Variants in TLL2 observed in about 807,000 individuals in gnomAD.
TLL2 encodes tolloid-like protein 2.
In TLL2, 106 loss-of-function variants were observed where a neutral mutation model predicts 123.0. The ratio of observed to expected loss-of-function variants is 0.86; its 90% CI spans 0.74 to 1.01. The LOEUF (loss-of-function observed/expected upper bound fraction) is 1.01. TLL2 is among the 50% of genes least tolerant of loss of function. The pLI is 0.00. For missense variants in TLL2, 1,332 were observed against 1,336.7 expected (o/e 1.00, Z 0.06); for synonymous variants, 494 against 516.8 (o/e 0.96, Z 0.60).
chr10:96,374,961 C>CGG (rs558884195), intron 18 of TLL2, among the ~76,000 whole-genome samples: 5 of 64,238 alleles, frequency 7.8e-5, no homozygotes, highest in South Asian at 5.3e-4. Flanking sequence ...ACATTAGTTG[C>CGG]GGGGGGGGGG....
At chr10:96,451,464 G>C (rs1846958163) in intron 2 of TLL2, among the ~76,000 whole-genome samples, 1 of 152,146 alleles carries the variant, frequency 6.6e-6, no homozygotes, top group African/African-American at 2.4e-5. Flanking sequence ...TTGTGCCATA[G>C]ATTAATATTG....
intron 19 of TLL2, among the ~76,000 whole-genome samples, chr10:96,372,458 G>A (rs990642090): frequency 2.0e-5 from 3 of 152,144 alleles, no homozygotes; most frequent in African/African-American, 7.2e-5. Context: ...TGCTTCTGTG[G>A]GCACTAGTCC....
chr10:96,406,443 C>A (rs897214988), intron 9 of TLL2, among the ~76,000 whole-genome samples: 5 of 152,104 alleles, frequency 3.3e-5, no homozygotes, highest in Admixed American at 3.3e-4. Flanking sequence ...TGACTCTATT[C>A]GTTTTCCAAC....
At chr10:96,459,264 A>C (rs1452859637) in intron 2 of TLL2, among the ~76,000 whole-genome samples, 1 of 152,196 alleles carries the variant, frequency 6.6e-6, no homozygotes, top group Non-Finnish European at 1.5e-5. Flanking sequence ...AGAATAAATG[A>C]GTGAAACTCT....
intron 3 of TLL2, among the ~76,000 whole-genome samples, chr10:96,445,184 A>C (rs2134086831): frequency 6.6e-6 from 1 of 152,232 alleles, no homozygotes; most frequent in East Asian, 1.9e-4. Context: ...GCGAGACTCC[A>C]CCTCAAAAAA....
At chr10:96,433,425 A>G (rs1162667184) in intron 3 of TLL2, among the ~76,000 whole-genome samples, 1 of 152,234 alleles carries the variant, frequency 6.6e-6, no homozygotes. Context: ...AAAATTATTT[A>G]TAAGAAAAAC....
intron 17 of TLL2, among the ~76,000 whole-genome samples, chr10:96,378,229 T>A (rs1038729282): frequency 6.6e-6 from 1 of 152,276 alleles, no homozygotes; most frequent in African/African-American, 2.4e-5. Context: ...GGTGTGTGTC[T>A]TCCACATCTT....
intron 5 of TLL2, among the ~76,000 whole-genome samples, chr10:96,428,103 G>A (rs1271207181): frequency 2.0e-5 from 3 of 152,106 alleles, no homozygotes; most frequent in Non-Finnish European, 4.4e-5. Context: ...CCGGGTTTGG[G>A]TTTTTGATCC....
rs1410271263 is a variant in TLL2, at chr10:96,395,285, T to C, written c.1628A>G (p.Lys543Arg). 6 of 1,614,082 alleles carry C rather than the reference T, an allele frequency of 3.7e-6. No individual in the cohort carries two copies. The highest frequency in any genetic ancestry group is 1.1e-5 in the South Asian group (1 of 91,048). Residue 543 changes from lysine (K) to arginine (R), a missense_variant, in exon 13 of 21, where the codon AAG becomes AGG. Lys to Arg is a conservative substitution (Grantham distance 26, BLOSUM62 2). Transcript: ENST00000357947. ...GGAGCTCGATTTCACATCCTCCGGCTTCTCATAGCCACAAAAGTGGCCGAT... is the reference window on the plus strand; with the variant it reads ...GGAGCTCGATTTCACATCCTCCGGCCTCTCATAGCCACAAAAGTGGCCGAT... Reference protein sequence around the residue: ...ALIGHFCGYEKPEDVKSSSNR... With the variant: ...ALIGHFCGYERPEDVKSSSNR...
intron 10 of TLL2, among the ~76,000 whole-genome samples, chr10:96,399,570 T>C (rs909778125): frequency 1.3e-5 from 2 of 152,196 alleles, no homozygotes; most frequent in African/African-American, 4.8e-5. Flanking sequence ...TGCCAAGAAT[T>C]TGGCAAGAAA....
chr10:96,377,269 A>G (rs7900916), intron 17 of TLL2, among the ~76,000 whole-genome samples: 14,920 of 152,278 alleles, frequency 0.098, 1,589 homozygotes, highest in African/African-American at 0.26. Flanking sequence ...AGGGCATGCC[A>G]GCCCATGGTA....
rs1037027438 is a variant in TLL2 at position 96,366,518 on chromosome 10, T to C, written c.*1570A>G. On this transcript the variant is annotated 3_prime_UTR_variant, in exon 21 of 21. Transcript: ENST00000357947. Reference sequence around the variant, plus strand: ...TTTAAGGAAAAAATATTCCCATGCATTTCTCTGACCTTTCTTTGTATCATT... The same window carrying C: ...TTTAAGGAAAAAATATTCCCATGCACTTCTCTGACCTTTCTTTGTATCATT... The C allele has an allele frequency of 1.3e-5, 2 of 152,688 alleles. No individual in the cohort carries two copies. Among genetic ancestry groups the C allele is most frequent in the African/African-American group, 4.8e-5 (2 of 41,478 alleles). The allele number at this position is 152,688 out of a possible 1,614,324, so 9.5% of individuals were successfully genotyped here.
chr10:96,395,270 T>G lies in TLL2; in HGVS notation c.1643A>C (p.Lys548Thr). The change falls in exon 13 of 21, where the codon AAA becomes ACA. Residue 548 changes from lysine to threonine, a missense_variant. Lys to Thr is a moderately conservative substitution (Grantham distance 78, BLOSUM62 -1). Transcript: ENST00000357947. ...CATCCACAGTCTGTTGGAGCTCGAT[T>G]TCACATCCTCCGGCTTCTCATAGCC... Reference protein sequence around the residue: ...FCGYEKPEDVKSSSNRLWMKF... With the variant: ...FCGYEKPEDVTSSSNRLWMKF... The G allele has an allele frequency of 1.9e-6, 3 of 1,614,014 alleles. No homozygotes were observed. The highest frequency in any genetic ancestry group is 1.7e-6 in the Non-Finnish European group (2 of 1,179,998).
At position 96,366,593 on chromosome 10, in the gene TLL2, C is replaced by T. The variant is rs1232397740; in HGVS notation, c.*1495G>A. 1 of 152,532 alleles carries T rather than the reference C, an allele frequency of 6.6e-6. No individual in the cohort carries two copies. The highest frequency in any genetic ancestry group is 2.4e-5 in the African/African-American group (1 of 41,420). 9.4% of individuals were successfully genotyped at this position (152,532 alleles called of 1,614,324 possible). A position where few individuals can be genotyped will look rare whatever the true frequency, so the allele number is the denominator to read the frequency against. ...TTTAATGAGACACAGTCCTCTGGTG[C>T]CACATTCTGATCTGTAAAAAATATA... On this transcript the variant is annotated 3_prime_UTR_variant, in exon 21 of 21. Transcript: ENST00000357947.
chr10:96,476,200 T>G (rs927161091), intron 2 of TLL2, among the ~76,000 whole-genome samples: 5 of 130,726 alleles, frequency 3.8e-5, no homozygotes, highest in African/African-American at 1.4e-4. Flanking sequence ...GATAAAGGTG[T>G]GGTTCCTTTT....
At position 96,513,771 on chromosome 10, in the gene TLL2, G is replaced by A; in HGVS notation, c.-86C>T. On this transcript the variant is annotated 5_prime_UTR_variant, in exon 1 of 21. Coordinates refer to ENST00000357947, the MANE Select transcript of TLL2 (RefSeq NM_012465.4). The stretch of plus-strand genomic sequence containing the variant: ...AAGACGGCGCACACTGGGTCGGTCG[G>A]CTCCGGCCGGGACTCGGTGGTTACA... 1 of 1,349,462 alleles carries A rather than the reference G, an allele frequency of 7.4e-7. No homozygotes were observed. The highest frequency in any genetic ancestry group is 9.7e-7 in the Non-Finnish European group (1 of 1,033,146). 83.6% of individuals were successfully genotyped at this position (1,349,462 alleles called of 1,614,324 possible).
chr10:96,453,190 C>T (rs921822497), intron 2 of TLL2, among the ~76,000 whole-genome samples: 8 of 152,018 alleles, frequency 5.3e-5, no homozygotes, highest in African/African-American at 1.7e-4. Context: ...GTGCAGTGGC[C>T]CACACCTGTA....
At chr10:96,478,931 T>C (rs1847284908) in intron 2 of TLL2, among the ~76,000 whole-genome samples, 1 of 152,172 alleles carries the variant, frequency 6.6e-6, no homozygotes, top group Non-Finnish European at 1.5e-5. Flanking sequence ...AAGTTCACTA[T>C]TTTTAAGTAA....
chr10:96,392,309 T>TA (rs1028476186), intron 13 of TLL2, among the ~76,000 whole-genome samples: 1 of 152,078 alleles, frequency 6.6e-6, no homozygotes, highest in Admixed American at 6.6e-5. Context: ...AAGTTTTCCA[T>TA]AAAAAAATCA....
Sources: gnomAD v4.1 joint callset for allele counts (sites outside exome capture counted in the v4.1 genomes callset) on GRCh38, gnomAD v4.1.1 for gene constraint, MANE v1.5 for transcripts, NCBI Gene and HGNC (gene_info 2026-07-23, HGNC 2026-07-21) for gene names.